The following FNDC3B variants were observed in gnomAD, a reference collection of about 807,000 sequenced individuals.
FNDC3B encodes the protein fibronectin type III domain containing 3B.
Under a neutral mutation model 151.5 loss-of-function variants are expected in FNDC3B, and 12 were observed. The observed-to-expected ratio is 0.08, with a 90% CI of 0.05 to 0.13. The LOEUF (loss-of-function observed/expected upper bound fraction) is 0.13. Among genes scored for constraint, FNDC3B ranks in the 10% least tolerant of loss-of-function variants. The pLI, the probability that FNDC3B is intolerant of heterozygous loss-of-function variation, is 1.00. For synonymous variants in FNDC3B, 528 were observed against 549.0 expected (o/e 0.96, Z 0.54); for missense variants, 1,214 against 1,505.3 (o/e 0.81, Z 3.20).
intron 2 of FNDC3B, among the ~76,000 whole-genome samples, chr3:172,121,356 TAGA>T (rs1369570515): frequency 2.6e-5 from 4 of 152,350 alleles, no homozygotes; most frequent in African/African-American, 9.6e-5. Context: ...TGTTGCTTTG[TAGA>T]AGGATTTCAA....
At chr3:172,068,814 A>T (rs1056357796) in intron 1 of FNDC3B, among the ~76,000 whole-genome samples, 10 of 152,338 alleles carry the variant, frequency 6.6e-5, no homozygotes, top group Admixed American at 2.0e-4. Flanking sequence ...TGTGCCAGAC[A>T]CTGTTCTAAA....
intron 3 of FNDC3B, among the ~76,000 whole-genome samples, chr3:172,169,408 G>T (rs1387768196): frequency 6.6e-6 from 1 of 152,224 alleles, no homozygotes; most frequent in African/African-American, 2.4e-5. Context: ...AGTGTAGTCA[G>T]TAACAAGATA....
intron 16 of FNDC3B, among the ~76,000 whole-genome samples, chr3:172,339,292 G>A (rs1245404580): frequency 6.6e-6 from 1 of 152,086 alleles, no homozygotes; most frequent in Non-Finnish European, 1.5e-5. Context: ...TGCTGGGCAT[G>A]GTGGCTCACA....
intron 12 of FNDC3B, chr3:172,330,195 A>G (rs181075186): frequency 9.2e-5 from 16 of 174,324 alleles, no homozygotes; most frequent in Admixed American, 3.1e-4. Context: ...TAACCTACAC[A>G]CATCCTTCTC....
chr3:172,100,392 C>CAT (rs559826931), intron 1 of FNDC3B, among the ~76,000 whole-genome samples: 69 of 152,242 alleles, frequency 4.5e-4, no homozygotes, highest in Admixed American at 4.0e-3. Flanking sequence ...GCGTATAAGC[C>CAT]ATATATATAC....
intron 22 of FNDC3B, among the ~76,000 whole-genome samples, chr3:172,360,769 A>G (rs1001613612): frequency 2.0e-4 from 30 of 151,720 alleles, no homozygotes; most frequent in Admixed American, 1.2e-3. Flanking sequence ...TGGAGTCTCT[A>G]TTCTCTTGTA....
intron 4 of FNDC3B, among the ~76,000 whole-genome samples, chr3:172,239,709 G>T (rs1244885177): frequency 2.7e-5 from 4 of 146,690 alleles, no homozygotes; most frequent in Non-Finnish European, 5.9e-5. Flanking sequence ...GAAGTGAGGA[G>T]TTTATTAAAA....
intron 3 of FNDC3B, among the ~76,000 whole-genome samples, chr3:172,154,507 A>G (rs1485561440): frequency 2.0e-5 from 3 of 152,106 alleles, no homozygotes; most frequent in African/African-American, 7.2e-5. Flanking sequence ...TGCCCAGGCT[A>G]TGGTTTCTTC....
At position 172,290,843 on chromosome 3, in the gene FNDC3B, G is replaced by A. The variant is rs117509503; in HGVS notation, c.850-4520G>A. 5.1e-3 allele frequency among the ~76,000 whole-genome samples: 776 copies of A among 152,186 alleles called. 11 individuals are homozygous for A. The highest frequency in any genetic ancestry group is 0.04 in the East Asian group (206 of 5,182). ...TTTTCATTTATTTTCCTTTGTGGTG[G>A]TGTTTCTCATGATGATCCTTTAGAA... On this transcript the variant is annotated intron_variant, in intron 7 of 25. Coordinates refer to ENST00000415807, the MANE Select transcript of FNDC3B (RefSeq NM_022763.4).
intron 1 of FNDC3B, among the ~76,000 whole-genome samples, chr3:172,047,392 A>G (rs1055175622): frequency 6.6e-6 from 1 of 152,230 alleles, no homozygotes; most frequent in African/African-American, 2.4e-5. Context: ...CAAGGCTAGG[A>G]TAAAGTTTGG....
chr3:172,167,133 C>T lies in FNDC3B; in HGVS notation c.187+33587C>T, dbSNP rs867266777. Among the ~76,000 whole-genome samples, 8 of 152,192 alleles carry T rather than the reference C, an allele frequency of 5.3e-5. No homozygotes were observed. In the South Asian group the frequency reaches 1.0e-3, roughly 20 times the overall value. On this transcript the variant is annotated intron_variant, in intron 3 of 25. Transcript: ENST00000415807. ...CTTAAGGGCCGGGTACATTGGCTCA[C>T]GCCTATAATCCAAGCACTTTGGGAG... is the stretch of plus-strand genomic sequence containing the variant.
chr3:172,087,073 G>A (rs1273853247), intron 1 of FNDC3B, among the ~76,000 whole-genome samples: 1 of 152,188 alleles, frequency 6.6e-6, no homozygotes, highest in Non-Finnish European at 1.5e-5. Context: ...ATGGAAGGAA[G>A]TGGCATGCTC....
intron 1 of FNDC3B, among the ~76,000 whole-genome samples, chr3:172,067,843 T>C (rs1420194764): frequency 6.6e-6 from 1 of 152,202 alleles, no homozygotes; most frequent in Non-Finnish European, 1.5e-5. Flanking sequence ...GCAAGACTTA[T>C]TATAGGTGTT....
chr3:172,260,650 A>C (rs1377441951), intron 6 of FNDC3B, among the ~76,000 whole-genome samples: 1 of 152,216 alleles, frequency 6.6e-6, no homozygotes, highest in East Asian at 1.9e-4. Flanking sequence ...GGCGTCCTGC[A>C]GGCTGGGTCA....
At chr3:172,378,942 TA>T (rs1484904506) in intron 24 of FNDC3B, among the ~76,000 whole-genome samples, 1 of 152,226 alleles carries the variant, frequency 6.6e-6, no homozygotes, top group African/African-American at 2.4e-5. Context: ...CAAGGATGAC[TA>T]CTTTCCTACT....
intron 6 of FNDC3B, among the ~76,000 whole-genome samples, chr3:172,257,515 A>T (rs1728411094): frequency 6.6e-6 from 1 of 151,256 alleles, no homozygotes; most frequent in African/African-American, 2.4e-5. Flanking sequence ...TCTTGTGTGG[A>T]TTACCAGTTT....
At chr3:172,288,843 C>T (rs749440124) in intron 7 of FNDC3B, among the ~76,000 whole-genome samples, 1 of 152,186 alleles carries the variant, frequency 6.6e-6, no homozygotes, top group Non-Finnish European at 1.5e-5. Flanking sequence ...GTGCTAACCA[C>T]CCTGCATGTC....
At chr3:172,179,719 A>C (rs1723785023) in intron 3 of FNDC3B, among the ~76,000 whole-genome samples, 1 of 151,918 alleles carries the variant, frequency 6.6e-6, no homozygotes, top group East Asian at 1.9e-4. Context: ...CCGTCTCTAC[A>C]AAAAATACAA....
At chr3:172,050,702 TGTGTGTGTGTGTGTG>T (rs1197748185) in intron 1 of FNDC3B, among the ~76,000 whole-genome samples, 2 of 30,042 alleles carry the variant, frequency 6.7e-5, no homozygotes, top group Admixed American at 9.8e-4. Context: ...TATATTTTCG[TGTGTGTGTGTGTGTG>T]TGTGTGTGTG....
Sources: gnomAD v4.1 joint callset for allele counts (sites outside exome capture counted in the v4.1 genomes callset) on GRCh38, gnomAD v4.1.1 for gene constraint, MANE v1.5 for transcripts, NCBI Gene and HGNC (gene_info 2026-07-23, HGNC 2026-07-21) for gene names.